IMMP2L: variants seen among roughly 807,000 people sequenced by gnomAD.
IMMP2L encodes inner mitochondrial membrane peptidase subunit 2.
Under a neutral mutation model 19.3 loss-of-function variants are expected in IMMP2L, and 18 were observed. The ratio of observed to expected loss-of-function variants is 0.93; its 90% CI spans 0.64 to 1.38. The LOEUF is 1.38. Ranked by LOEUF, IMMP2L falls within the 40% of genes most tolerant of loss-of-function variation. IMMP2L has a pLI of 0.00. For missense variants in IMMP2L, 233 were observed against 218.2 expected (o/e 1.07, Z -0.43); for synonymous variants, 76 against 73.0 (o/e 1.04, Z -0.21).
intron 5 of IMMP2L, among the ~76,000 whole-genome samples, chr7:110,824,125 C>A (rs1240632948): frequency 6.6e-6 from 1 of 152,062 alleles, no homozygotes; most frequent in African/African-American, 2.4e-5. Context: ...CGCTGCTCAA[C>A]TAGTTTACAT....
At chr7:111,060,571 T>A (rs1455048101) in intron 3 of IMMP2L, among the ~76,000 whole-genome samples, 1 of 152,164 alleles carries the variant, frequency 6.6e-6, no homozygotes, top group Admixed American at 6.6e-5. Flanking sequence ...CTCCAGGACT[T>A]ACTGGTTGTT....
chr7:111,079,321 T>G (rs1795686463), intron 3 of IMMP2L, among the ~76,000 whole-genome samples: 1 of 151,416 alleles, frequency 6.6e-6, no homozygotes. Flanking sequence ...GTTTCACCGT[T>G]TTAGCCGGGA....
At chr7:111,518,176 G>A (rs1017938209) in intron 2 of IMMP2L, among the ~76,000 whole-genome samples, 3 of 151,994 alleles carry the variant, frequency 2.0e-5, no homozygotes, top group African/African-American at 7.2e-5. Context: ...ACTGAGTAGT[G>A]TTTAAAAAGT....
chr7:111,265,124 T>C (rs990824932), intron 3 of IMMP2L, among the ~76,000 whole-genome samples: 6 of 152,206 alleles, frequency 3.9e-5, no homozygotes, highest in African/African-American at 1.4e-4. Context: ...TCTAAAATGT[T>C]GCTTATTTTA....
At chr7:111,361,778 A>G (rs1161911765) in intron 3 of IMMP2L, among the ~76,000 whole-genome samples, 1 of 152,080 alleles carries the variant, frequency 6.6e-6, no homozygotes, top group Non-Finnish European at 1.5e-5. Flanking sequence ...AAAACCTAGG[A>G]AACTACTCTT....
intron 3 of IMMP2L, among the ~76,000 whole-genome samples, chr7:111,356,783 T>G (rs979544174): frequency 1.3e-5 from 2 of 152,088 alleles, no homozygotes; most frequent in African/African-American, 4.8e-5. Context: ...TCCCTGCACT[T>G]TGGGAGGCTG....
intron 3 of IMMP2L, among the ~76,000 whole-genome samples, chr7:111,221,846 C>G (rs1251320128): frequency 6.6e-6 from 1 of 151,970 alleles, no homozygotes; most frequent in Non-Finnish European, 1.5e-5. Flanking sequence ...CTGCCAGATA[C>G]TGAAACTATC....
chr7:111,274,326 C>T (rs951309854), intron 3 of IMMP2L, among the ~76,000 whole-genome samples: 3 of 152,052 alleles, frequency 2.0e-5, no homozygotes, highest in Admixed American at 2.0e-4. Flanking sequence ...AAATAAGATG[C>T]ACTCATATTA....
chr7:110,897,239 G>T (rs1325038770), intron 4 of IMMP2L, among the ~76,000 whole-genome samples: 1 of 152,110 alleles, frequency 6.6e-6, no homozygotes, highest in Non-Finnish European at 1.5e-5. Flanking sequence ...GAAGTCAACA[G>T]ATTAACAGTA....
intron 5 of IMMP2L, among the ~76,000 whole-genome samples, chr7:110,843,076 T>G (rs1805263817): frequency 6.6e-6 from 1 of 152,072 alleles, no homozygotes; most frequent in African/African-American, 2.4e-5. Flanking sequence ...TATAGCTTTG[T>G]GCTGGTAATT....
chr7:110,990,663 G>A (rs988014978), intron 3 of IMMP2L, among the ~76,000 whole-genome samples: 1 of 152,110 alleles, frequency 6.6e-6, no homozygotes, highest in Non-Finnish European at 1.5e-5. Flanking sequence ...TTATCTGGTA[G>A]CTGGGTTGCT....
chr7:110,873,014 C>G (rs1042338692), intron 5 of IMMP2L, among the ~76,000 whole-genome samples: 4 of 152,186 alleles, frequency 2.6e-5, no homozygotes, highest in Non-Finnish European at 5.9e-5. Flanking sequence ...AGTGAAGTGA[C>G]TTGTGATATT....
At chr7:111,338,518 A>ATAAGTACACTTAATAGTACTTAT in intron 3 of IMMP2L, among the ~76,000 whole-genome samples, 1 of 152,236 alleles carries the variant, frequency 6.6e-6, no homozygotes, top group Admixed American at 6.5e-5. Context: ...ATCATATATA[A>ATAAGTACACTTAATAGTACTTAT]TAAGTACACT....
intron 3 of IMMP2L, among the ~76,000 whole-genome samples, chr7:111,151,339 A>G (rs1325256599): frequency 1.3e-5 from 2 of 152,186 alleles, no homozygotes; most frequent in Admixed American, 1.3e-4. Flanking sequence ...GGCACAGAGA[A>G]ACAGGTTCAA....
chr7:110,960,935 A>G (rs1325144470), intron 4 of IMMP2L, among the ~76,000 whole-genome samples: 3 of 151,842 alleles, frequency 2.0e-5, no homozygotes, highest in Non-Finnish European at 4.4e-5. Context: ...ATGGACAGAT[A>G]CTCAATATCA....
chr7:111,437,043 T>C (rs974525030), intron 3 of IMMP2L, among the ~76,000 whole-genome samples: 10 of 151,804 alleles, frequency 6.6e-5, no homozygotes, highest in Non-Finnish European at 2.9e-5. Context: ...CCTACCTTCA[T>C]CATTGGGGGT....
intron 5 of IMMP2L, among the ~76,000 whole-genome samples, chr7:110,769,518 G>T (rs1414325308): frequency 6.6e-6 from 1 of 152,022 alleles, no homozygotes; most frequent in African/African-American, 2.4e-5. Context: ...TAGATAATAC[G>T]CAGAGAAGAG....
At chr7:110,873,429 C>CAAAAAAAAAA (rs60827428) in intron 5 of IMMP2L, among the ~76,000 whole-genome samples, 5 of 28,946 alleles carry the variant, frequency 1.7e-4, no homozygotes, top group African/African-American at 1.9e-4. Context: ...GACTCTATCT[C>CAAAAAAAAAA]AAAAAAAAAA....
intron 4 of IMMP2L, among the ~76,000 whole-genome samples, chr7:110,959,826 C>G (rs1818745690): frequency 6.6e-6 from 1 of 151,872 alleles, no homozygotes; most frequent in Non-Finnish European, 1.5e-5. Context: ...TTACATCATC[C>G]AACTCCTGTT....
Sources: gnomAD v4.1 joint callset for allele counts (sites outside exome capture counted in the v4.1 genomes callset) on GRCh38, gnomAD v4.1.1 for gene constraint, MANE v1.5 for transcripts, NCBI Gene and HGNC (gene_info 2026-07-23, HGNC 2026-07-21) for gene names.